Variants in SELENOT observed in about 807,000 individuals in gnomAD.
SELENOT encodes the protein selenoprotein T, also known as thioredoxin reductase-like selenoprotein T.
Under a neutral mutation model 24.3 loss-of-function variants are expected in SELENOT, and 9 were observed. The observed-to-expected ratio is 0.37, with a 90% CI of 0.22 to 0.65. The LOEUF is 0.65. Among genes scored for constraint, SELENOT ranks in the 30% least tolerant of loss-of-function variants. The pLI, the probability that SELENOT is intolerant of heterozygous loss-of-function variation, is 0.60. For missense variants in SELENOT, 166 were observed against 247.6 expected, an observed-to-expected ratio of 0.67 and a Z score of 2.21; for synonymous variants, 81 against 86.0, an observed-to-expected ratio of 0.94 and a Z score of 0.32.
chr3:150,628,716 G>GT lies in SELENOT; in HGVS notation c.*1093dup, dbSNP rs936586987. The GT allele has an allele frequency of 3.9e-5, 6 of 152,104 alleles. No individual in the cohort carries two copies. Among genetic ancestry groups the GT allele is most frequent in the Admixed American group, 1.3e-4 (2 of 15,272 alleles). The allele number at this position is 152,104 out of a possible 1,614,324, so 9.4% of individuals were successfully genotyped here. ...ACTGTTTCAGAGTTCTAAAAAGGCA[G>GT]TTTTTTAAAAAACTTAAGTTGATAA... On this transcript the variant is annotated 3_prime_UTR_variant, in exon 6 of 6. Coordinates refer to ENST00000471696, the MANE Select transcript of SELENOT (RefSeq NM_016275.5).
intron 1 of SELENOT, among the ~76,000 whole-genome samples, chr3:150,607,289 T>A (rs2108004498): frequency 6.6e-6 from 1 of 152,382 alleles, no homozygotes; most frequent in East Asian, 1.9e-4. Context: ...AATTTACAAC[T>A]ATTCAGCCTT....
intron 1 of SELENOT, among the ~76,000 whole-genome samples, chr3:150,618,335 T>C (rs1224816342): frequency 6.6e-6 from 1 of 152,116 alleles, no homozygotes; most frequent in Non-Finnish European, 1.5e-5. Flanking sequence ...ATTGGAGAGA[T>C]TGTGAAAATA....
At chr3:150,625,392 G>A (rs1726419465) in intron 4 of SELENOT, among the ~76,000 whole-genome samples, 1 of 151,886 alleles carries the variant, frequency 6.6e-6, no homozygotes, top group Admixed American at 6.6e-5. Flanking sequence ...ACCATCATTT[G>A]TCTACTCAGT....
intron 1 of SELENOT, among the ~76,000 whole-genome samples, chr3:150,606,150 CTTTT>C (rs34860334): frequency 7.8e-6 from 1 of 128,106 alleles, no homozygotes; most frequent in Non-Finnish European, 1.6e-5. Flanking sequence ...TTCTTTCTTC[CTTTT>C]TTTTTTTTTT....
intron 3 of SELENOT, 38 bp downstream of exon 3, chr3:150,623,207 A>T: frequency 6.6e-7 from 1 of 1,522,068 alleles, no homozygotes; most frequent in Non-Finnish European, 8.8e-7. Flanking sequence ...GTAGGTTTTT[A>T]TGTTGTCAGT....
chr3:150,622,919 C>A, intron 2 of SELENOT, 124 bp from the exon 3 acceptor site: 1 of 852,932 alleles, frequency 1.2e-6, no homozygotes, highest in South Asian at 3.7e-5. Context: ...ACTTTAATTG[C>A]TTTTTCTATA....
chr3:150,621,190 A>G (rs1237443930), intron 1 of SELENOT, among the ~76,000 whole-genome samples: 1 of 152,176 alleles, frequency 6.6e-6, no homozygotes, highest in East Asian at 1.9e-4. Flanking sequence ...TAGACTTGTA[A>G]GGGACATTCA....
At chr3:150,608,807 T>A (rs1447836134) in intron 1 of SELENOT, among the ~76,000 whole-genome samples, 2 of 152,222 alleles carry the variant, frequency 1.3e-5, no homozygotes, top group Non-Finnish European at 2.9e-5. Flanking sequence ...AAGTACTTAG[T>A]TCAAAGCTTT....
intron 1 of SELENOT, among the ~76,000 whole-genome samples, chr3:150,613,842 A>T (rs752001013): frequency 2.0e-5 from 3 of 152,038 alleles, no homozygotes; most frequent in Non-Finnish European, 4.4e-5. Context: ...TCTTTGCAAG[A>T]TAGCTCTTCT....
intron 1 of SELENOT, chr3:150,611,922 TC>T: frequency 1.1e-6 from 1 of 944,720 alleles, no homozygotes; most frequent in Non-Finnish European, 1.6e-6. Flanking sequence ...ATCCCCACTC[TC>T]CTGGCCGCTC....
At position 150,603,472 on chromosome 3, in the gene SELENOT, C is replaced by T. The variant is rs771411950; in HGVS notation, c.110C>T (p.Thr37Met). The T allele has an allele frequency of 1.1e-5, 18 of 1,608,772 alleles. No individual in the cohort carries two copies. The highest frequency in any genetic ancestry group is 1.4e-5 in the Non-Finnish European group (16 of 1,176,362). Reference sequence around the variant, plus strand: ...AAGAGATTAAAGATGCAGTACGCCACGGGGCCGCTGCTCAAGTTCCAGATT... The same window carrying T: ...AAGAGATTAAAGATGCAGTACGCCATGGGGCCGCTGCTCAAGTTCCAGATT... Reference protein sequence around the residue: ...PSKRLKMQYATGPLLKFQICV... With the variant: ...PSKRLKMQYAMGPLLKFQICV... Residue 37 changes from threonine to methionine, a missense_variant, in exon 1 of 6, where the codon ACG becomes ATG. Transcript: ENST00000471696.
chr3:150,616,504 G>T (rs1283394551), intron 1 of SELENOT, among the ~76,000 whole-genome samples: 1 of 148,592 alleles, frequency 6.7e-6, no homozygotes, highest in Non-Finnish European at 1.5e-5. Context: ...AAATTTACAA[G>T]AAAAAAACAA....
In SELENOT at chr3:150,622,391, C is replaced by T. The variant is rs1726362203; in HGVS notation, c.144C>T (p.Ser48=). ...AACACTTATTTTTCTGCAGTGTTTC[C>T]TGAGGTTATAGGCGGGTGTTTGAGG... ...GPLLKFQICV[S]UGYRRVFEEY... is the part of the protein sequence containing the mutation. The change falls in exon 2 of 6, where the codon TCC becomes TCT. Residue 48 remains serine (S), a synonymous_variant. Transcript: ENST00000471696. 2 of 1,417,462 alleles carry T rather than the reference C, an allele frequency of 1.4e-6. No homozygotes were observed. The highest frequency in any genetic ancestry group is 1.9e-6 in the Non-Finnish European group (2 of 1,067,302). The allele number at this position is 1,417,462 out of a possible 1,614,324, so 87.8% of individuals were successfully genotyped here. A position where few individuals can be genotyped will look rare whatever the true frequency, so the allele number is the denominator to read the frequency against.
chr3:150,623,199 A>G, intron 3 of SELENOT, 30 bp downstream of exon 3: 1 of 1,546,798 alleles, frequency 6.5e-7, no homozygotes, highest in Non-Finnish European at 8.7e-7. Flanking sequence ...TGGTAACTGT[A>G]GGTTTTTATG....
At chr3:150,608,862 C>A (rs1726026346) in intron 1 of SELENOT, among the ~76,000 whole-genome samples, 1 of 152,134 alleles carries the variant, frequency 6.6e-6, no homozygotes, top group Admixed American at 6.5e-5. Context: ...GGTTTTATAA[C>A]CTTTTACAAA....
At chr3:150,606,524 A>G (rs1302155118) in intron 1 of SELENOT, among the ~76,000 whole-genome samples, 2 of 151,614 alleles carry the variant, frequency 1.3e-5, no homozygotes, top group African/African-American at 4.9e-5. Context: ...TCATACTTGG[A>G]AAAAAATTTA....
chr3:150,625,451 C>T (rs1576535080), intron 4 of SELENOT, among the ~76,000 whole-genome samples: 1 of 152,086 alleles, frequency 6.6e-6, no homozygotes, highest in African/African-American at 2.4e-5. Context: ...CCTAGTCCCC[C>T]TATTTTATGG....
intron 1 of SELENOT, among the ~76,000 whole-genome samples, chr3:150,614,411 G>T (rs900065065): frequency 2.1e-4 from 31 of 144,282 alleles, no homozygotes; most frequent in Non-Finnish European, 4.0e-4. Context: ...ATGGAGGTGG[G>T]TTTTTTTTTT....
At position 150,629,575 on chromosome 3, in the gene SELENOT, C is replaced by T. The variant is rs961809832; in HGVS notation, c.*1946C>T. ...GCCTTGGATGTTCCTGTGGACCTGACAGTTAAAAATATAAAGAACCTAGGA... is the reference window on the plus strand; with the variant it reads ...GCCTTGGATGTTCCTGTGGACCTGATAGTTAAAAATATAAAGAACCTAGGA... On this transcript the variant is annotated 3_prime_UTR_variant, in exon 6 of 6. Transcript: ENST00000471696. 7 of 152,548 alleles carry T rather than the reference C, an allele frequency of 4.6e-5. No individual in the cohort carries two copies. Among genetic ancestry groups the T allele is most frequent in the African/African-American group, 1.7e-4 (7 of 41,418 alleles). 9.4% of individuals were successfully genotyped at this position (152,548 alleles called of 1,614,324 possible).
Sources: allele counts gnomAD v4.1 joint callset (sites outside exome capture counted in the v4.1 genomes callset), GRCh38; gene constraint gnomAD v4.1.1; transcripts MANE v1.5; gene names NCBI Gene and HGNC (gene_info 2026-07-23, HGNC 2026-07-21).